Variants in FREM2 observed in about 807,000 individuals in gnomAD.
The protein encoded by FREM2 is FRAS1 related extracellular matrix 2.
Under a neutral mutation model 219.9 loss-of-function variants are expected in FREM2, and 119 were observed. The ratio of observed to expected loss-of-function variants is 0.54; its 90% CI spans 0.47 to 0.63. The LOEUF is 0.63. FREM2 is among the 30% of genes least tolerant of loss of function. FREM2 has a pLI of 0.00. For missense variants in FREM2, 4,030 were observed against 3,993.6 expected (o/e 1.01, Z -0.25); for synonymous variants, 1,562 against 1,522.8 (o/e 1.03, Z -0.60).
At chr13:38,719,118 G>A (rs185445241) in intron 2 of FREM2, among the ~76,000 whole-genome samples, 2 of 152,314 alleles carry the variant, frequency 1.3e-5, no homozygotes, top group Non-Finnish European at 1.5e-5. Flanking sequence ...TCTGGAAGCC[G>A]AAGAGGAGAA....
chr13:38,758,144 C>G (rs1004797366), intron 2 of FREM2, among the ~76,000 whole-genome samples: 2 of 152,178 alleles, frequency 1.3e-5, no homozygotes, highest in African/African-American at 4.8e-5. Flanking sequence ...GGGTGGGCTG[C>G]AGATGTATCT....
chr13:38,865,763 G>A (rs1877940310), intron 16 of FREM2, among the ~76,000 whole-genome samples: 1 of 152,292 alleles, frequency 6.6e-6, no homozygotes, highest in East Asian at 1.9e-4. Context: ...AATAGAAATA[G>A]CAATAGAGAA....
intron 2 of FREM2, among the ~76,000 whole-genome samples, chr13:38,751,339 G>A (rs970484296): frequency 3.3e-5 from 5 of 151,956 alleles, no homozygotes; most frequent in Non-Finnish European, 5.9e-5. Context: ...CTTAAAGCGT[G>A]GTGCAAATTA....
chr13:38,698,256 G>A (rs1870197549), intron 2 of FREM2, among the ~76,000 whole-genome samples: 1 of 152,182 alleles, frequency 6.6e-6, no homozygotes. Context: ...CAAGAAATCA[G>A]TAGTAAATTA....
intron 2 of FREM2, among the ~76,000 whole-genome samples, chr13:38,698,615 A>G (rs1870212256): frequency 6.6e-6 from 1 of 152,182 alleles, no homozygotes; most frequent in Non-Finnish European, 1.5e-5. Context: ...TGAACAGGAC[A>G]CCAGAACTGA....
At chr13:38,819,670 A>G (rs4245390) in intron 6 of FREM2, among the ~76,000 whole-genome samples, 6 of 152,180 alleles carry the variant, frequency 3.9e-5, no homozygotes, top group Non-Finnish European at 7.4e-5. Context: ...AATCATAGCT[A>G]TCATGAACAC....
intron 2 of FREM2, among the ~76,000 whole-genome samples, chr13:38,734,231 T>C (rs1479278820): frequency 6.6e-6 from 1 of 151,704 alleles, no homozygotes; most frequent in Non-Finnish European, 1.5e-5. Flanking sequence ...CAAAATAACA[T>C]GTGTTACCCT....
At chr13:38,787,144 C>T (rs1164391193) in intron 6 of FREM2, among the ~76,000 whole-genome samples, 1 of 152,140 alleles carries the variant, frequency 6.6e-6, no homozygotes, top group East Asian at 1.9e-4. Context: ...CCCCAGAACA[C>T]AGGGCTGGTA....
At chr13:38,705,317 A>T (rs1870495918) in intron 2 of FREM2, among the ~76,000 whole-genome samples, 1 of 152,190 alleles carries the variant, frequency 6.6e-6, no homozygotes, top group Admixed American at 6.5e-5. Context: ...TTTTACAGCC[A>T]GCAGAGAATG....
chr13:38,853,021 T>G (rs982233879), intron 11 of FREM2, among the ~76,000 whole-genome samples: 8 of 152,006 alleles, frequency 5.3e-5, no homozygotes, highest in African/African-American at 1.9e-4. Context: ...TTTACTTTTA[T>G]CAGTAATTAA....
chr13:38,833,352 A>G (rs1876585255), intron 6 of FREM2, among the ~76,000 whole-genome samples: 1 of 152,054 alleles, frequency 6.6e-6, no homozygotes, highest in African/African-American at 2.4e-5. Context: ...TCTGCATATG[A>G]ACTTTGTTTC....
chr13:38,761,604 C>A (rs897576510), intron 2 of FREM2, among the ~76,000 whole-genome samples: 8 of 151,964 alleles, frequency 5.3e-5, no homozygotes, highest in Admixed American at 1.3e-4. Context: ...TAAATTAATA[C>A]AATTAAATAT....
intron 4 of FREM2, among the ~76,000 whole-genome samples, chr13:38,774,394 T>C (rs1873792116): frequency 6.6e-6 from 1 of 152,204 alleles, no homozygotes; most frequent in Admixed American, 6.5e-5. Flanking sequence ...GAAGGCATAC[T>C]AACCCTTGAA....
At chr13:38,783,043 A>G (rs1236710388) in intron 4 of FREM2, 27 bp from the exon 5 acceptor site, 3 of 1,612,200 alleles carry the variant, frequency 1.9e-6, no homozygotes, top group African/African-American at 2.7e-5. Flanking sequence ...GACAAAAATA[A>G]TGCTTGCAAT....
chr13:38,787,441 C>T (rs1874374497), intron 6 of FREM2, among the ~76,000 whole-genome samples: 1 of 152,060 alleles, frequency 6.6e-6, no homozygotes, highest in South Asian at 2.1e-4. Context: ...TCTTCCTACC[C>T]ACACCTTGGT....
At chr13:38,864,245 A>G (rs751651635) in intron 15 of FREM2, 30 bp from the exon 16 acceptor site, 1 of 1,558,056 alleles carries the variant, frequency 6.4e-7, no homozygotes, top group South Asian at 1.1e-5. Flanking sequence ...TACTTGAAAG[A>G]CTGTTAACAA....
rs1270530455 is a variant in FREM2 at position 38,691,228 on chromosome 13, T to C, written c.3884T>C (p.Ile1295Thr). ...KHSVEKTVLI[I>T]VIPVDDETPR... is the part of the protein sequence containing the mutation. ...TCTGTGGAAAAGACGGTCCTCATTATAGTTATCCCTGTTGATGATGAGACG... is the reference window on the plus strand; with the variant it reads ...TCTGTGGAAAAGACGGTCCTCATTACAGTTATCCCTGTTGATGATGAGACG... Residue 1295 changes from isoleucine to threonine, a missense_variant, in exon 1 of 24, where the codon ATA becomes ACA. Ile to Thr is a moderately conservative substitution (Grantham distance 89, BLOSUM62 -1). This residue lies in a region of FREM2 where 3,102 missense variants were observed against 2,950.7 expected (regional missense o/e 1.05). Coordinates refer to ENST00000280481, the MANE Select transcript of FREM2 (RefSeq NM_207361.6). The C allele has an allele frequency of 6.2e-7, 1 of 1,614,092 alleles. No individual in the cohort carries two copies. The highest frequency in any genetic ancestry group is 2.2e-5 in the East Asian group (1 of 44,882).
intron 6 of FREM2, among the ~76,000 whole-genome samples, chr13:38,788,640 C>G (rs1168901002): frequency 6.6e-6 from 1 of 152,074 alleles, no homozygotes; most frequent in Non-Finnish European, 1.5e-5. Flanking sequence ...CACAGTTTGT[C>G]TTTTCTTTGA....
At position 38,880,410 on chromosome 13, in the gene FREM2, T is replaced by C; in HGVS notation, c.9133T>C (p.Ser3045Pro). 1.2e-6 allele frequency: 2 copies of C among 1,613,696 alleles called. No homozygotes were observed. The highest frequency in any genetic ancestry group is 1.7e-6 in the Non-Finnish European group (2 of 1,179,922). ...HSLVSQGKPQ[S>P]TTKSRKKREI... ...TCTGGTGAGTCAAGGAAAGCCCCAA[T>C]CCACCACCAAGAGCCGGAAGAAGAG... The change falls in exon 24 of 24, where the codon TCC becomes CCC. Residue 3045 changes from serine to proline, a missense_variant. This residue lies in a region of FREM2 where 928 missense variants were observed against 1,042.9 expected (regional missense o/e 0.89). Transcript: ENST00000280481.
Sources: gnomAD v4.1 joint callset for allele counts (sites outside exome capture counted in the v4.1 genomes callset) on GRCh38, gnomAD v4.1.1 for gene constraint, gnomAD v4.1.1 regional missense constraint, MANE v1.5 for transcripts, NCBI Gene and HGNC (gene_info 2026-07-23, HGNC 2026-07-21) for gene names.